Variants in NAV3 observed in about 807,000 individuals in gnomAD.
NAV3 encodes neuron navigator 3.
Under a neutral mutation model 244.7 loss-of-function variants are expected in NAV3, and 87 were observed. That is an observed-to-expected ratio of 0.36 (90% CI 0.30 to 0.42). NAV3 has a LOEUF of 0.42. Among genes scored for constraint, NAV3 ranks in the 20% least tolerant of loss-of-function variants. The pLI is 1.00. For synonymous variants in NAV3, 1,126 were observed against 1,042.2 expected (o/e 1.08, Z -1.55); for missense variants, 2,663 against 2,893.3 (o/e 0.92, Z 1.83).
chr12:77,862,412 G>A (rs1879378968), intron 1 of NAV3, among the ~76,000 whole-genome samples: 1 of 150,924 alleles, frequency 6.6e-6, no homozygotes, highest in Non-Finnish European at 1.5e-5. Context: ...GTTTTGTAAT[G>A]ACAGAAGAGT....
In NAV3 at chr12:78,006,767, G is replaced by A. The variant is rs2136569943; in HGVS notation, c.1229G>A (p.Gly410Asp). The part of the protein sequence containing the change: ...PQPPSSGPSD[G>D]GKDDDAFSES... The stretch of plus-strand genomic sequence containing the variant: ...CCTCCCAGTTCAGGACCTAGTGATG[G>A]TGGGAAGGATGATGATGCCTTTTCT... The change falls in exon 8 of 40, where the codon GGT (glycine) becomes GAT (aspartate). Residue 410 changes from glycine (G) to aspartate (D), a missense_variant. Physicochemically the swap from Gly to Asp is moderately conservative, Grantham distance 94 (BLOSUM62 -1). Transcript: ENST00000397909. 6.2e-7 allele frequency: 1 copy of A among 1,614,162 alleles called. No homozygotes were observed. The highest frequency in any genetic ancestry group is 1.1e-5 in the South Asian group (1 of 91,080).
At position 78,177,277 on chromosome 12, in the gene NAV3, G is replaced by T. The variant is rs1462690666; in HGVS notation, c.5261G>T (p.Gly1754Val). 1 of 1,613,254 alleles carries T rather than the reference G, an allele frequency of 6.2e-7. No individual in the cohort carries two copies. The highest frequency in any genetic ancestry group is 1.3e-5 in the African/African-American group (1 of 74,936). ...PKLPHNAGDC[G>V]SASMKPSQSA... is the part of the protein sequence containing the mutation. ...TTACCCCATAATGCTGGTGACTGTG[G>T]CTCAGCATCCATGAAGCCCTCACAA... Residue 1754 changes from glycine (G) to valine (V), a missense_variant, in exon 27 of 40, where the codon GGC becomes GTC. Coordinates refer to ENST00000397909, the MANE Select transcript of NAV3 (RefSeq NM_001024383.2).
chr12:77,756,994 C>T (rs1337282502), intron 2 of NAV3, among the ~76,000 whole-genome samples: 1 of 152,154 alleles, frequency 6.6e-6, no homozygotes, highest in African/African-American at 2.4e-5. Flanking sequence ...TCAGTTTTCA[C>T]CTTTTACCTC....
At chr12:77,841,195 G>A (rs1875578322) in intron 1 of NAV3, among the ~76,000 whole-genome samples, 1 of 152,150 alleles carries the variant, frequency 6.6e-6, no homozygotes, top group South Asian at 2.1e-4. Context: ...TGGAAAAAAA[G>A]TCACTAGATG....
Position 77,901,957 on chromosome 12 carries a change from T to C in NAV3, c.244-38362T>C, listed in dbSNP as rs539606143. Among the ~76,000 whole-genome samples the C allele has an allele frequency of 2.6e-5, 4 of 152,314 alleles. No homozygotes were observed. In the South Asian group the frequency reaches 8.3e-4, roughly 32 times the overall value. ...GATGTAACAATAGTTGTCCACCATA[T>C]GTATATGCTTAATAGTACTTGGGGA... On this transcript the variant is annotated intron_variant, in intron 1 of 39. Coordinates refer to ENST00000397909, the MANE Select transcript of NAV3 (RefSeq NM_001024383.2).
In NAV3 at chr12:78,188,636, A is replaced by G. The variant is rs1293558926; in HGVS notation, c.5914A>G (p.Thr1972Ala). 1 of 1,611,646 alleles carries G rather than the reference A, an allele frequency of 6.2e-7. No individual in the cohort carries two copies. The highest frequency in any genetic ancestry group is 8.5e-7 in the Non-Finnish European group (1 of 1,178,762). The stretch of plus-strand genomic sequence containing the variant: ...ATATGTATTCCGAATTGATACATCC[A>G]CTAGCCTTGGTCTGAGCTCTGACTG... ...KEYVFRIDTS[T>A]SLGLSSDCIA... Residue 1972 changes from threonine to alanine, a missense_variant, in exon 33 of 40, where the codon ACT (threonine) becomes GCT (alanine). Physicochemically the swap from Thr to Ala is moderately conservative, Grantham distance 58. Around this residue, in one of 6 missense-constraint regions of NAV3, gnomAD observed 543 missense variants for 672.4 expected, o/e 0.81. Coordinates refer to ENST00000397909, the MANE Select transcript of NAV3 (RefSeq NM_001024383.2).
Position 77,906,134 on chromosome 12 carries a change from G to A in NAV3, c.244-34185G>A, listed in dbSNP as rs371473791. On this transcript the variant is annotated intron_variant, in intron 1 of 39. Coordinates refer to ENST00000397909, the MANE Select transcript of NAV3 (RefSeq NM_001024383.2). ...CAGATATATAGGAGCTGAATTTGCC[G>A]CAAACTTGCAAAGAAAACCAATTTC... Among the ~76,000 whole-genome samples, 44 of 152,170 alleles carry A rather than the reference G, an allele frequency of 2.9e-4. No individual in the cohort carries two copies. The South Asian group carries it at 8.5e-3, about 29-fold the overall frequency.
intron 9 of NAV3, among the ~76,000 whole-genome samples, chr12:78,048,394 G>T (rs563631220): frequency 6.6e-6 from 1 of 152,114 alleles, no homozygotes; most frequent in East Asian, 1.9e-4. Context: ...TTCAAACGGG[G>T]TTTTTGTGTG....
chr12:77,797,247 A>G (rs1164959728), intron 2 of NAV3, among the ~76,000 whole-genome samples: 3 of 152,292 alleles, frequency 2.0e-5, no homozygotes, highest in East Asian at 3.9e-4. Context: ...AACTGAAGCA[A>G]AGAGCTCAAA....
rs542180804 is a variant in NAV3 at position 78,076,460 on chromosome 12, A to C, written c.2636+17345A>C. Reference sequence around the variant, plus strand: ...AGAAACCTATGACATACCCAAAGACAGGGACTCCCAGAATCGAATGCAGTT... The same window carrying C: ...AGAAACCTATGACATACCCAAAGACCGGGACTCCCAGAATCGAATGCAGTT... On this transcript the variant is annotated intron_variant, in intron 12 of 39. Coordinates refer to ENST00000397909, the MANE Select transcript of NAV3 (RefSeq NM_001024383.2). Among the ~76,000 whole-genome samples, 5 of 152,328 alleles carry C rather than the reference A, an allele frequency of 3.3e-5. No individual in the cohort carries two copies. In the South Asian group the frequency reaches 1.0e-3, roughly 32 times the overall value.
At chr12:77,891,127 TAAAAC>T (rs1166812373) in intron 1 of NAV3, among the ~76,000 whole-genome samples, 3 of 151,836 alleles carry the variant, frequency 2.0e-5, no homozygotes, top group African/African-American at 4.8e-5. Flanking sequence ...TGTTGACAAA[TAAAAC>T]AAACTCAAAT....
intron 2 of NAV3, among the ~76,000 whole-genome samples, chr12:77,622,534 ATTTTTTTTTTTT>A (rs529338324): frequency 9.9e-5 from 9 of 90,712 alleles, no homozygotes; most frequent in Non-Finnish European, 1.5e-4. Context: ...ATCCATATGG[ATTTTTTTTTTTT>A]TTTTTTTTTT....
At chr12:78,040,917 C>G (rs1166785614) in intron 9 of NAV3, among the ~76,000 whole-genome samples, 1 of 152,138 alleles carries the variant, frequency 6.6e-6, no homozygotes, top group Non-Finnish European at 1.5e-5. Context: ...TCTTCCTTGT[C>G]TGTAATAATT....
chr12:78,032,073 G>C (rs1426551578), intron 9 of NAV3, among the ~76,000 whole-genome samples: 1 of 152,006 alleles, frequency 6.6e-6, no homozygotes, highest in African/African-American at 2.4e-5. Context: ...CTGAGCCCCT[G>C]AAAAATCCAT....
chr12:77,618,201 C>A (rs560162860), intron 2 of NAV3, among the ~76,000 whole-genome samples: 7 of 152,302 alleles, frequency 4.6e-5, no homozygotes, highest in African/African-American at 1.4e-4. Flanking sequence ...TAACTGCAGC[C>A]TCCTTAGAGA....
intron 1 of NAV3, among the ~76,000 whole-genome samples, chr12:77,834,037 C>T (rs1565838451): frequency 6.6e-6 from 1 of 152,006 alleles, no homozygotes; most frequent in Non-Finnish European, 1.5e-5. Flanking sequence ...GTGTTCCTCT[C>T]GATGTCCAGC....
chr12:77,858,490 A>C (rs1046798039), intron 1 of NAV3, among the ~76,000 whole-genome samples: 5 of 152,146 alleles, frequency 3.3e-5, no homozygotes, highest in African/African-American at 1.2e-4. Flanking sequence ...AGCTATTTAC[A>C]TACAATAGTT....
chr12:77,581,759 T>C (rs1033433292), intron 2 of NAV3, among the ~76,000 whole-genome samples: 5 of 152,170 alleles, frequency 3.3e-5, no homozygotes, highest in African/African-American at 1.2e-4. Context: ...AAGAAGGAAA[T>C]CAAAATAATT....
intron 20 of NAV3, chr12:78,145,084 T>A: frequency 3.2e-6 from 1 of 310,308 alleles, no homozygotes; most frequent in South Asian, 2.6e-5. Context: ...GCTTACTTTT[T>A]ATTCAAAAAC....
Sources: allele counts gnomAD v4.1 joint callset (sites outside exome capture counted in the v4.1 genomes callset), GRCh38; gene constraint gnomAD v4.1.1; regional missense constraint gnomAD v4.1.1; transcripts MANE v1.5; gene names NCBI Gene and HGNC (gene_info 2026-07-23, HGNC 2026-07-21).